FGFR1: variants seen among roughly 807,000 people sequenced by gnomAD.
FGFR1 encodes fibroblast growth factor receptor 1, also known as FGFR1/PLAG1 fusion.
Under a neutral mutation model 93.7 loss-of-function variants are expected in FGFR1, and 18 were observed. The observed-to-expected ratio is 0.19, with a 90% CI of 0.13 to 0.28. The LOEUF is 0.28. Among genes scored for constraint, FGFR1 ranks in the 10% least tolerant of loss-of-function variants. The pLI, the probability that FGFR1 is intolerant of heterozygous loss-of-function variation, is 1.00. For synonymous variants in FGFR1, 448 were observed against 429.3 expected (o/e 1.04, Z -0.54); for missense variants, 731 against 1,080.4 (o/e 0.68, Z 4.53).
chr8:38,430,205 G>A lies in FGFR1; in HGVS notation c.92-257C>T, dbSNP rs1332276961. On this transcript the variant is annotated intron_variant, in intron 2 of 17. Transcript: ENST00000447712. ...AAAGTCAAAGGAAGAAAGAGGCAAA[G>A]TTAGGAAGCAGCTGTAGCAGCATTA... 3.4e-5 allele frequency: 19 copies of A among 552,902 alleles called. No individual in the cohort carries two copies. The East Asian group carries it at 5.3e-4, about 15-fold the overall frequency. The allele number at this position is 552,902 out of a possible 1,614,324, so 34.2% of individuals were successfully genotyped here. A position where few individuals can be genotyped will look rare whatever the true frequency, so the allele number is the denominator to read the frequency against.
intron 12 of FGFR1, among the ~76,000 whole-genome samples, chr8:38,416,942 T>C (rs914504595): frequency 6.6e-6 from 1 of 152,070 alleles, no homozygotes; most frequent in Non-Finnish European, 1.5e-5. Flanking sequence ...TTAGTAGAGA[T>C]GGGGTTTCAC....
At chr8:38,414,319 T>G (rs1323329796) in intron 15 of FGFR1, 30 bp from the exon 16 acceptor site, 2 of 1,613,868 alleles carry the variant, frequency 1.2e-6, no homozygotes, top group Non-Finnish European at 1.7e-6. Context: ...CACAGGGTGT[T>G]AGAGCTTCTC....
At position 38,452,200 on chromosome 8, in the gene FGFR1, G is replaced by GACACAC. The variant is rs3051753; in HGVS notation, c.91+5150_91+5155dup. ...CTCCCGACAGACACACAGACACACAGACACACACACACACACACACACACA... is the reference window on the plus strand; with the variant it reads ...CTCCCGACAGACACACAGACACACAGACACACACACACACACACACACACACACACA... On this transcript the variant is annotated intron_variant, in intron 2 of 17. Transcript: ENST00000447712. Among the ~76,000 whole-genome samples, 221 of 139,170 alleles carry GACACAC rather than the reference G, an allele frequency of 1.6e-3. 1 individual carries two copies. Among genetic ancestry groups the GACACAC allele is most frequent in the Non-Finnish European group, 1.9e-3 (125 of 64,410 alleles). The allele number at this position is 139,170 out of a possible 152,430, so 91.3% of individuals were successfully genotyped here. A position where few individuals can be genotyped will look rare whatever the true frequency, so the allele number is the denominator to read the frequency against.
intron 2 of FGFR1, among the ~76,000 whole-genome samples, chr8:38,451,934 G>C (rs1240817489): frequency 6.6e-6 from 1 of 151,776 alleles, no homozygotes; most frequent in South Asian, 2.1e-4. Context: ...ATCTGAAACC[G>C]GCTTCAGTCT....
In FGFR1 at chr8:38,457,369, G is replaced by C. The variant is rs866281569; in HGVS notation, c.78C>G (p.Thr26=). The change falls in exon 2 of 18, where the codon ACC becomes ACG. Residue 26 remains threonine (T), a synonymous_variant. Coordinates refer to ENST00000447712, the MANE Select transcript of FGFR1 (RefSeq NM_023110.3). The part of the protein sequence containing the change: ...ATLCTARPSP[T]LPEQAQPWGA... Reference sequence around the variant, plus strand: ...CCAGCACCTTACCTTGTTCAGGCAAGGTCGGGGACGGCCTAGCGGTGCAGA... The same window carrying C: ...CCAGCACCTTACCTTGTTCAGGCAACGTCGGGGACGGCCTAGCGGTGCAGA... The C allele has an allele frequency of 6.2e-7, 1 of 1,613,356 alleles. No homozygotes were observed. Among genetic ancestry groups the C allele is most frequent in the South Asian group, 1.1e-5 (1 of 91,078 alleles).
intron 1 of FGFR1, 70 bp from the exon 2 acceptor site, chr8:38,457,604 G>GT (rs1466667140): frequency 6.8e-7 from 1 of 1,467,594 alleles, no homozygotes; most frequent in African/African-American, 1.4e-5. Context: ...AAAACAGAAG[G>GT]TAAAGTATGC....
chr8:38,420,506 TC>T (rs1392359714), intron 8 of FGFR1, among the ~76,000 whole-genome samples: 4 of 152,108 alleles, frequency 2.6e-5, no homozygotes, highest in Non-Finnish European at 4.4e-5. Flanking sequence ...GGGGCGGAGT[TC>T]CATTTTGTTA....
At chr8:38,461,209 G>C (rs1015718539) in intron 1 of FGFR1, 34 of 1,432,506 alleles carry the variant, frequency 2.4e-5, no homozygotes, top group Middle Eastern at 1.7e-4. Flanking sequence ...TGTCTGGTGA[G>C]ATAGCAGGGG....
Position 38,453,427 on chromosome 8 carries a change from T to C in FGFR1, c.91+3929A>G, listed in dbSNP as rs1456314839. Among the ~76,000 whole-genome samples the C allele has an allele frequency of 3.9e-5, 6 of 152,178 alleles. No homozygotes were observed. In the East Asian group the frequency reaches 1.2e-3, roughly 29 times the overall value. The stretch of plus-strand genomic sequence containing the variant: ...TTCACAATGACCTTATGAGCACACA[T>C]TCATTATCAATATATTTTATAAAAG... On this transcript the variant is annotated intron_variant, in intron 2 of 17. Coordinates refer to ENST00000447712, the MANE Select transcript of FGFR1 (RefSeq NM_023110.3).
In FGFR1 at chr8:38,429,794, T is replaced by G. The variant is rs1326150271; in HGVS notation, c.246A>C (p.Thr82=). 6.2e-7 allele frequency: 1 copy of G among 1,612,892 alleles called. No homozygotes were observed. Among genetic ancestry groups the G allele is most frequent in the South Asian group, 1.1e-5 (1 of 90,720 alleles). Residue 82 remains threonine (T), a synonymous_variant, in exon 3 of 18, where the codon ACA becomes ACC. Coordinates refer to ENST00000447712, the MANE Select transcript of FGFR1 (RefSeq NM_023110.3). This position sits in a 1 kb window ranked among gnomAD's most constrained non-coding sequence, Gnocchi z 4.4. ...QLAESNRTRI[T]GEEVEVQDSV... ...AGTCCTGCACCTCCACCTCCTCCCC[T>G]GTGATGCGGGTGCGGTTGCTTTCCG...
chr8:38,438,567 T>C (rs556974582), intron 2 of FGFR1, among the ~76,000 whole-genome samples: 1 of 151,692 alleles, frequency 6.6e-6, no homozygotes, highest in African/African-American at 2.4e-5. Flanking sequence ...AAAGGAATTA[T>C]TATCTTCAGA....
At chr8:38,428,607 G>T in intron 3 of FGFR1, 172 bp from the exon 4 acceptor site, 1 of 638,666 alleles carries the variant, frequency 1.6e-6, no homozygotes, top group African/African-American at 1.8e-5. Context: ...CAGTTCCTGT[G>T]CGTGTTTGCT....
intron 2 of FGFR1, 175 bp from the exon 3 acceptor site, chr8:38,430,123 T>C (rs1430091683): frequency 4.7e-6 from 3 of 638,342 alleles, no homozygotes. Context: ...CATGGGTCAG[T>C]GGGGAAAACA....
chr8:38,442,414 AG>A (rs1466392831), intron 2 of FGFR1, among the ~76,000 whole-genome samples: 4 of 136,038 alleles, frequency 2.9e-5, no homozygotes, highest in African/African-American at 5.5e-5. Context: ...CCACTGCTGG[AG>A]GGGAGCTCAG....
chr8:38,441,433 C>T (rs973885020), intron 2 of FGFR1, among the ~76,000 whole-genome samples: 1 of 152,172 alleles, frequency 6.6e-6, no homozygotes, highest in African/African-American at 2.4e-5. Context: ...CAAGAGTTGT[C>T]TGAAAAGAAA....
chr8:38,451,339 T>C lies in FGFR1; in HGVS notation c.91+6017A>G, dbSNP rs139964765. 7.8e-3 allele frequency among the ~76,000 whole-genome samples: 1,170 copies of C among 150,918 alleles called. 13 individuals are homozygous for C. The highest frequency in any genetic ancestry group is 0.026 in the African/African-American group (1,071 of 41,104). On this transcript the variant is annotated intron_variant, in intron 2 of 17. Transcript: ENST00000447712. ...TGTAGATGCTAGACTACAGGTCTGATAGTGGAACAGAGGGTGTCCCACTAC... is the reference window on the plus strand; with the variant it reads ...TGTAGATGCTAGACTACAGGTCTGACAGTGGAACAGAGGGTGTCCCACTAC...
intron 9 of FGFR1, 89 bp downstream of exon 9, chr8:38,419,444 G>C (rs1234788463): frequency 4.0e-6 from 5 of 1,239,168 alleles, no homozygotes; most frequent in African/African-American, 1.5e-5. Flanking sequence ...AAGGCCCAAA[G>C]CTATAAATTA....
In FGFR1 at chr8:38,427,105, TA is replaced by T. The variant is rs35028972; in HGVS notation, c.621+815del. ...CTGGGTGACAGAGTGAGACTCCGTC[TA>T]AAAAAAAAAAAAAAATGCTTACACC... is the stretch of plus-strand genomic sequence containing the variant. On this transcript the variant is annotated intron_variant, in intron 5 of 17. Transcript: ENST00000447712. 5.8e-3 allele frequency among the ~76,000 whole-genome samples: 775 copies of T among 133,856 alleles called. 1 individual carries two copies. The highest frequency in any genetic ancestry group is 0.015 in the Middle Eastern group (4 of 270). 87.8% of individuals were successfully genotyped at this position (133,856 alleles called of 152,430 possible).
rs758360392 is a variant in FGFR1 at position 38,417,330 on chromosome 8, G to C, written c.1639C>G (p.Leu547Val). Residue 547 changes from leucine to valine, a missense_variant, in exon 12 of 18, where the codon CTG (leucine) becomes GTG (valine). This residue lies in a region of FGFR1 where 62 missense variants were observed against 99.5 expected (regional missense o/e 0.62). Transcript: ENST00000447712. Reference sequence around the variant, plus strand: ...CCATCCTGCGTGCAGGCCCCCAGCAGGTTGATGATATTCTTATGCTTCCCG... The same window carrying C: ...CCATCCTGCGTGCAGGCCCCCAGCACGTTGATGATATTCTTATGCTTCCCG... ...MIGKHKNIIN[L>V]LGACTQDGPL... The C allele has an allele frequency of 2.5e-6, 4 of 1,613,720 alleles. No homozygotes were observed. In the South Asian group the frequency reaches 4.4e-5, roughly 18 times the overall value.
Sources: allele counts gnomAD v4.1 joint callset (sites outside exome capture counted in the v4.1 genomes callset), GRCh38; gene constraint gnomAD v4.1.1; regional missense constraint gnomAD v4.1.1; non-coding constraint Gnocchi (gnomAD v3.1); transcripts MANE v1.5; gene names NCBI Gene and HGNC (gene_info 2026-07-23, HGNC 2026-07-21).